PDE4D: variants seen among roughly 807,000 people sequenced by gnomAD.
The protein encoded by PDE4D is phosphodiesterase 4D, also known as 3',5'-cyclic-AMP phosphodiesterase 4D.
PDE4D carries 24 observed loss-of-function variants against 87.4 expected under a neutral mutation model. The observed-to-expected ratio is 0.27, with a 90% CI of 0.20 to 0.39. PDE4D has a LOEUF of 0.39. Ranked by LOEUF, PDE4D falls within the 10% of genes least tolerant of loss-of-function variation. The probability of loss-of-function intolerance (pLI) is 1.00; values close to 1 mark genes in which losing one functional copy is unlikely to be tolerated. For missense variants in PDE4D, 714 were observed against 1,041.0 expected, an observed-to-expected ratio of 0.69 and a Z score of 4.32; for synonymous variants, 384 against 383.2, an observed-to-expected ratio of 1.00 and a Z score of -0.02.
intron 1 of PDE4D, among the ~76,000 whole-genome samples, chr5:59,427,513 G>C (rs1001014662): frequency 1.3e-5 from 2 of 152,126 alleles, no homozygotes; most frequent in African/African-American, 4.8e-5. Context: ...TGGGTTAGAA[G>C]AGCCAGATTA....
At chr5:59,223,894 T>C (rs1349725912) in intron 1 of PDE4D, among the ~76,000 whole-genome samples, 1 of 152,060 alleles carries the variant, frequency 6.6e-6, no homozygotes, top group East Asian at 1.9e-4. Context: ...AGCTAAATTA[T>C]ACTACACATG....
chr5:59,608,659 C>A (rs1176260755), intron 1 of PDE4D, among the ~76,000 whole-genome samples: 1 of 152,120 alleles, frequency 6.6e-6, no homozygotes, highest in Non-Finnish European at 1.5e-5. Flanking sequence ...TTTTTGGCAG[C>A]CAAGATTTAC....
chr5:60,060,003 A>G (rs1771216315), intron 2 of PDE4D, among the ~76,000 whole-genome samples: 1 of 152,036 alleles, frequency 6.6e-6, no homozygotes, highest in South Asian at 2.1e-4. Flanking sequence ...ATAGCTCATC[A>G]GGCATCTAAA....
intron 5 of PDE4D, among the ~76,000 whole-genome samples, chr5:59,177,865 G>A (rs1030426386): frequency 3.0e-4 from 45 of 152,146 alleles, no homozygotes; most frequent in African/African-American, 1.1e-3. Flanking sequence ...ATGGAAGCTG[G>A]TCCTCATGCT....
intron 6 of PDE4D, among the ~76,000 whole-genome samples, chr5:59,031,741 C>T (rs1394486704): frequency 1.7e-5 from 2 of 118,316 alleles, no homozygotes; most frequent in African/African-American, 6.1e-5. Context: ...AAAAAGATTA[C>T]ACAGCCTTAT....
At chr5:59,375,323 C>A (rs1386371210) in intron 1 of PDE4D, among the ~76,000 whole-genome samples, 2 of 152,022 alleles carry the variant, frequency 1.3e-5, no homozygotes, top group African/African-American at 4.8e-5. Flanking sequence ...AGAGAAGATT[C>A]AAATAAACAC....
At chr5:59,941,122 G>A (rs938542346) in intron 3 of PDE4D, among the ~76,000 whole-genome samples, 2 of 152,266 alleles carry the variant, frequency 1.3e-5, no homozygotes, top group Non-Finnish European at 1.5e-5. Context: ...ATTTTAATAA[G>A]TATATTTCCT....
At chr5:59,742,071 G>A (rs1288952016) in intron 1 of PDE4D, among the ~76,000 whole-genome samples, 2 of 152,010 alleles carry the variant, frequency 1.3e-5, no homozygotes, top group African/African-American at 4.8e-5. Flanking sequence ...TTTGGGGGGA[G>A]GGTAGGGTGT....
At chr5:59,207,839 C>A (rs561595920) in intron 2 of PDE4D, among the ~76,000 whole-genome samples, 1 of 151,354 alleles carries the variant, frequency 6.6e-6, no homozygotes, top group African/African-American at 2.4e-5. Context: ...GTGAGAAAAA[C>A]TCACATGATT....
chr5:59,732,892 A>T (rs1487680944), intron 1 of PDE4D, among the ~76,000 whole-genome samples: 1 of 94,888 alleles, frequency 1.1e-5, no homozygotes, highest in Admixed American at 9.9e-5. Context: ...ATGGTATTTA[A>T]TATTTATTAA....
chr5:59,462,585 C>T (rs150778372), intron 1 of PDE4D, among the ~76,000 whole-genome samples: 25 of 152,144 alleles, frequency 1.6e-4, no homozygotes, highest in African/African-American at 5.8e-4. Context: ...AAAAATATAC[C>T]ACCAGCAACA....
chr5:59,424,664 A>G (rs1794944680), intron 1 of PDE4D, among the ~76,000 whole-genome samples: 1 of 152,176 alleles, frequency 6.6e-6, no homozygotes, highest in Non-Finnish European at 1.5e-5. Context: ...AGCATGGGGA[A>G]ACTGCCCCCA....
intron 1 of PDE4D, among the ~76,000 whole-genome samples, chr5:60,454,362 C>A (rs1746311340): frequency 6.6e-6 from 1 of 152,142 alleles, no homozygotes; most frequent in Admixed American, 6.6e-5. Context: ...ATGTTTATTG[C>A]AGCACTATTC....
At position 58,971,543 on chromosome 5, in the gene PDE4D, CA is replaced by C. The variant is rs1317868134; in HGVS notation, c.*3120del. On this transcript the variant is annotated 3_prime_UTR_variant, in exon 15 of 15. Coordinates refer to ENST00000340635, the MANE Select transcript of PDE4D (RefSeq NM_001104631.2). ...TTGGTGAGAAAAAAAATGCATGGCA[CA>C]AAAAATAAATAATGCATTCAAAAAT... 3 of 152,500 alleles carry C rather than the reference CA, an allele frequency of 2.0e-5. No homozygotes were observed. The highest frequency in any genetic ancestry group is 4.8e-5 in the African/African-American group (2 of 41,420). 9.4% of individuals were successfully genotyped at this position (152,500 alleles called of 1,614,324 possible).
intron 1 of PDE4D, among the ~76,000 whole-genome samples, chr5:59,304,113 G>A (rs1407778722): frequency 6.6e-6 from 1 of 151,986 alleles, no homozygotes; most frequent in African/African-American, 2.4e-5. Context: ...CGACTCCTTT[G>A]TTAGGTATAT....
At chr5:59,349,031 T>A (rs1780075542) in intron 1 of PDE4D, among the ~76,000 whole-genome samples, 1 of 152,110 alleles carries the variant, frequency 6.6e-6, no homozygotes, top group South Asian at 2.1e-4. Context: ...CAATGAGTGA[T>A]GATCATGCCA....
At chr5:59,607,450 T>C (rs758739808) in intron 1 of PDE4D, among the ~76,000 whole-genome samples, 9 of 152,104 alleles carry the variant, frequency 5.9e-5, no homozygotes, top group Non-Finnish European at 1.3e-4. Flanking sequence ...TTTAGAGAAA[T>C]GACAGAAAGT....
chr5:60,242,052 T>G (rs1283344638), intron 1 of PDE4D, among the ~76,000 whole-genome samples: 1 of 152,090 alleles, frequency 6.6e-6, no homozygotes, highest in African/African-American at 2.4e-5. Context: ...ATAGTATATC[T>G]GGTGCTAATA....
intron 1 of PDE4D, among the ~76,000 whole-genome samples, chr5:59,740,139 T>C (rs946497456): frequency 2.0e-5 from 3 of 152,222 alleles, no homozygotes; most frequent in Admixed American, 1.3e-4. Context: ...AACTGAATAA[T>C]AAATTCATCT....
Sources: allele counts gnomAD v4.1 joint callset (sites outside exome capture counted in the v4.1 genomes callset), GRCh38; gene constraint gnomAD v4.1.1; transcripts MANE v1.5; gene names NCBI Gene and HGNC (gene_info 2026-07-23, HGNC 2026-07-21).